ZNF292: variants seen among roughly 807,000 people sequenced by gnomAD.
The protein encoded by ZNF292 is zinc finger protein 292.
In ZNF292, 26 loss-of-function variants were observed where a neutral mutation model predicts 217.9. The ratio of observed to expected loss-of-function variants is 0.12; its 90% CI spans 0.09 to 0.17. ZNF292 has a LOEUF of 0.17. Ranked by LOEUF, ZNF292 falls within the 10% of genes least tolerant of loss-of-function variation. ZNF292 has a pLI of 1.00. For synonymous variants in ZNF292, 1,257 were observed against 1,124.1 expected (o/e 1.12, Z -2.37); for missense variants, 2,904 against 3,175.2 (o/e 0.91, Z 2.05).
chr6:87,256,454 C>T lies in ZNF292; in HGVS notation c.2825C>T (p.Ser942Phe). The T allele has an allele frequency of 6.2e-7, 1 of 1,608,064 alleles. No homozygotes were observed. Among genetic ancestry groups the T allele is most frequent in the Non-Finnish European group, 8.5e-7 (1 of 1,179,802 alleles). Residue 942 changes from serine (S) to phenylalanine (F), a missense_variant, in exon 8 of 8, where the codon TCT becomes TTT. Ser to Phe is a radical substitution (Grantham distance 155). Coordinates refer to ENST00000369577, the MANE Select transcript of ZNF292 (RefSeq NM_015021.3). ...SSEVAVSIKVSLNQGIEDNFG... is the reference protein window; with the variant it reads ...SSEVAVSIKVFLNQGIEDNFG... ...GAAGTAGCTGTGTCCATTAAGGTGT[C>T]TCTCAATCAGGGGATTGAGGATAAC...
intron 4 of ZNF292, chr6:87,222,699 T>G: frequency 2.4e-6 from 1 of 409,814 alleles, no homozygotes; most frequent in Non-Finnish European, 4.9e-6. Context: ...ATATTTATAC[T>G]TTGTTATTAA....
rs891585355 is a variant in ZNF292, at chr6:87,216,522, T to TA, written c.402+146dup. ...ATCTTATTGACACTAGTATCTTACA[T>TA]AGAGTAGATCTCAACAAATGTTTGC... is the stretch of plus-strand genomic sequence containing the variant. On this transcript the variant is annotated intron_variant, in intron 3 of 7. Transcript: ENST00000369577. 5 of 603,494 alleles carry TA rather than the reference T, an allele frequency of 8.3e-6. No individual in the cohort carries two copies. In the Admixed American group the frequency reaches 1.5e-4, roughly 18 times the overall value. 37.4% of individuals were successfully genotyped at this position (603,494 alleles called of 1,614,324 possible). A position where few individuals can be genotyped will look rare whatever the true frequency, so the allele number is the denominator to read the frequency against.
chr6:87,240,790 T>A (rs1324687469), intron 5 of ZNF292, among the ~76,000 whole-genome samples: 2 of 152,154 alleles, frequency 1.3e-5, no homozygotes, highest in Non-Finnish European at 2.9e-5. Flanking sequence ...TTTCAAGAAA[T>A]ACGGATTTTT....
intron 1 of ZNF292, among the ~76,000 whole-genome samples, chr6:87,159,106 T>A (rs1770635867): frequency 6.6e-6 from 1 of 152,178 alleles, no homozygotes; most frequent in South Asian, 2.1e-4. Flanking sequence ...GAAACAGGAG[T>A]TGCTTATGAT....
rs1302355518 is a variant in ZNF292, at chr6:87,186,620, T to C, written c.169-29283T>C. Among the ~76,000 whole-genome samples, 7 of 152,202 alleles carry C rather than the reference T, an allele frequency of 4.6e-5. No homozygotes were observed. In the East Asian group the frequency reaches 1.3e-3, roughly 29 times the overall value. ...ATGGCCAGGTGTAGTGGCTCATGCC[T>C]GTAATCCCAGCATTTTGGAAGACTG... is the stretch of plus-strand genomic sequence containing the variant. On this transcript the variant is annotated intron_variant, in intron 1 of 7. Coordinates refer to ENST00000369577, the MANE Select transcript of ZNF292 (RefSeq NM_015021.3).
At chr6:87,163,467 A>C (rs554248388) in intron 1 of ZNF292, among the ~76,000 whole-genome samples, 16 of 151,930 alleles carry the variant, frequency 1.1e-4, no homozygotes, top group Admixed American at 1.3e-4. Flanking sequence ...AAAAAACCCC[A>C]AAAAAACCAC....
chr6:87,179,959 C>G (rs981177205), intron 1 of ZNF292, among the ~76,000 whole-genome samples: 1 of 152,092 alleles, frequency 6.6e-6, no homozygotes, highest in Non-Finnish European at 1.5e-5. Context: ...TGAAGATCCC[C>G]GAGTATTGAG....
At chr6:87,175,240 T>C (rs973064310) in intron 1 of ZNF292, among the ~76,000 whole-genome samples, 7 of 152,234 alleles carry the variant, frequency 4.6e-5, no homozygotes, top group Admixed American at 6.5e-5. Flanking sequence ...TTCTTTTTTT[T>C]CCCCTCATCG....
chr6:87,249,369 C>A (rs1242396585), intron 7 of ZNF292: 6 of 431,124 alleles, frequency 1.4e-5, no homozygotes, highest in Non-Finnish European at 2.8e-5. Flanking sequence ...TCAAGTAATT[C>A]TCCGTGCCTT....
At chr6:87,185,845 A>T (rs1292499394) in intron 1 of ZNF292, among the ~76,000 whole-genome samples, 2 of 152,140 alleles carry the variant, frequency 1.3e-5, no homozygotes, top group African/African-American at 4.8e-5. Flanking sequence ...CAAAGTATTG[A>T]CAGGAAGAGA....
chr6:87,255,072 A>G lies in ZNF292; in HGVS notation c.1443A>G (p.Lys481=). The stretch of plus-strand genomic sequence containing the variant: ...TAAATGACAGTGAAGTATATGAAAA[A>G]GTGGTAGACTACCAAGAAGAGAGTA... The part of the protein sequence containing the change: ...DELNDSEVYE[K]VVDYQEESKE... Residue 481 remains lysine, a synonymous_variant, in exon 8 of 8, where the codon AAA becomes AAG. Coordinates refer to ENST00000369577, the MANE Select transcript of ZNF292 (RefSeq NM_015021.3). 1 of 1,613,744 alleles carries G rather than the reference A, an allele frequency of 6.2e-7. No homozygotes were observed. The highest frequency in any genetic ancestry group is 8.5e-7 in the Non-Finnish European group (1 of 1,179,850).
chr6:87,255,103 A>G lies in ZNF292; in HGVS notation c.1474A>G (p.Thr492Ala), dbSNP rs745606831. The G allele has an allele frequency of 1.2e-6, 2 of 1,613,658 alleles. No homozygotes were observed. The highest frequency in any genetic ancestry group is 2.2e-5 in the South Asian group (2 of 91,070). The change falls in exon 8 of 8, where the codon ACT (threonine) becomes GCT (alanine). Residue 492 changes from threonine (T) to alanine (A), a missense_variant. Transcript: ENST00000369577. ...VVDYQEESKE[T>A]SMNGLSGGVG... ...AGACTACCAAGAAGAGAGTAAAGAAACTTCTATGAATGGGCTTTCTGGTGG... is the reference window on the plus strand; with the variant it reads ...AGACTACCAAGAAGAGAGTAAAGAAGCTTCTATGAATGGGCTTTCTGGTGG...
chr6:87,250,563 G>T (rs1301972402), intron 7 of ZNF292, among the ~76,000 whole-genome samples: 2 of 152,186 alleles, frequency 1.3e-5, no homozygotes, highest in Non-Finnish European at 1.5e-5. Flanking sequence ...ATTGTATTAG[G>T]TATTATAAGT....
chr6:87,206,583 A>G (rs965097547), intron 1 of ZNF292, among the ~76,000 whole-genome samples: 4 of 152,224 alleles, frequency 2.6e-5, no homozygotes, highest in Non-Finnish European at 4.4e-5. Context: ...CATCACACTC[A>G]GGAAATGTAA....
chr6:87,188,297 G>A (rs1193607410), intron 1 of ZNF292, among the ~76,000 whole-genome samples: 1 of 152,158 alleles, frequency 6.6e-6, no homozygotes, highest in South Asian at 2.1e-4. Context: ...AATGGTCAGC[G>A]TGGCTAGGGA....
intron 4 of ZNF292, among the ~76,000 whole-genome samples, chr6:87,231,941 G>A (rs1302753642): frequency 6.6e-6 from 1 of 152,032 alleles, no homozygotes; most frequent in African/African-American, 2.4e-5. Flanking sequence ...AAAATCTTTT[G>A]CTTTGGCAGT....
intron 4 of ZNF292, among the ~76,000 whole-genome samples, chr6:87,221,986 T>A (rs1016544860): frequency 6.6e-6 from 1 of 152,182 alleles, no homozygotes; most frequent in Non-Finnish European, 1.5e-5. Context: ...TTAAAATTTT[T>A]AAAAAATAAA....
At chr6:87,226,093 C>G (rs902575980) in intron 4 of ZNF292, among the ~76,000 whole-genome samples, 1 of 152,140 alleles carries the variant, frequency 6.6e-6, no homozygotes, top group Non-Finnish European at 1.5e-5. Context: ...TATAGTCACA[C>G]TGAATTTTTT....
intron 1 of ZNF292, among the ~76,000 whole-genome samples, chr6:87,175,058 C>G (rs1771238847): frequency 6.6e-6 from 1 of 152,158 alleles, no homozygotes. Flanking sequence ...AACCATCCCA[C>G]TTTTTTGAGT....
Sources: gnomAD v4.1 joint callset for allele counts (sites outside exome capture counted in the v4.1 genomes callset) on GRCh38, gnomAD v4.1.1 for gene constraint, MANE v1.5 for transcripts, NCBI Gene and HGNC (gene_info 2026-07-23, HGNC 2026-07-21) for gene names.